The following LTBP1 variants were observed in gnomAD, a reference collection of about 807,000 sequenced individuals.
The protein encoded by LTBP1 is latent transforming growth factor beta binding protein 1, also known as latent-transforming growth factor beta-binding protein 1.
LTBP1 carries 129 observed loss-of-function variants against 207.6 expected under a neutral mutation model. The ratio of observed to expected loss-of-function variants is 0.62; its 90% CI spans 0.54 to 0.72. The LOEUF is 0.72. Ranked by LOEUF, LTBP1 falls within the 30% of genes least tolerant of loss-of-function variation. The pLI is 0.00. For synonymous variants in LTBP1, 963 were observed against 833.7 expected, an observed-to-expected ratio of 1.16 and a Z score of -2.67; for missense variants, 2,281 against 2,217.2, an observed-to-expected ratio of 1.03 and a Z score of -0.58.
At chr2:33,139,335 A>G (rs2082447780) in intron 5 of LTBP1, among the ~76,000 whole-genome samples, 1 of 152,184 alleles carries the variant, frequency 6.6e-6, no homozygotes, top group Admixed American at 6.5e-5. Flanking sequence ...GTTGCCTCCT[A>G]TGACCATATA....
intron 2 of LTBP1, among the ~76,000 whole-genome samples, chr2:32,970,829 CT>C (rs1256749702): frequency 6.6e-6 from 1 of 151,790 alleles, no homozygotes; most frequent in African/African-American, 2.4e-5. Context: ...AGCATTGAAC[CT>C]GTAAATTGCT....
Position 33,037,945 on chromosome 2 carries a change from C to T in LTBP1, c.863+16739C>T, listed in dbSNP as rs72869653. Reference sequence around the variant, plus strand: ...TGTTGCCTAGGTTGGTCTTCAACTCCCGAACTCAAGCAGTCCCCCTGCCTT... The same window carrying T: ...TGTTGCCTAGGTTGGTCTTCAACTCTCGAACTCAAGCAGTCCCCCTGCCTT... On this transcript the variant is annotated intron_variant, in intron 3 of 33. Transcript: ENST00000404816. Among the ~76,000 whole-genome samples the T allele has an allele frequency of 6.8e-3, 1,038 of 152,214 alleles. 12 individuals are homozygous for T. Among genetic ancestry groups the T allele is most frequent in the African/African-American group, 0.024 (984 of 41,534 alleles).
At chr2:33,209,950 C>T (rs958741719) in intron 7 of LTBP1, among the ~76,000 whole-genome samples, 12 of 152,128 alleles carry the variant, frequency 7.9e-5, no homozygotes, top group Admixed American at 5.2e-4. Flanking sequence ...GGCAGAGAGA[C>T]GTTGAGAGTT....
chr2:32,977,225 T>G (rs925486784), intron 2 of LTBP1, among the ~76,000 whole-genome samples: 3 of 151,916 alleles, frequency 2.0e-5, no homozygotes, highest in Admixed American at 2.0e-4. Context: ...CAACAGGAGG[T>G]TAAGTCTGCC....
At chr2:33,228,722 A>G (rs564254058) in intron 9 of LTBP1, among the ~76,000 whole-genome samples, 33 of 26,422 alleles carry the variant, frequency 1.2e-3, no homozygotes, top group Non-Finnish European at 2.0e-3. Context: ...TTTTTTTGAG[A>G]TGGAGTCTTA....
intron 15 of LTBP1, among the ~76,000 whole-genome samples, chr2:33,269,268 G>A (rs2093261599): frequency 6.6e-6 from 1 of 152,186 alleles, no homozygotes; most frequent in Non-Finnish European, 1.5e-5. Context: ...CATTGGCCTT[G>A]TTGCTGGTAT....
At chr2:33,176,575 T>C (rs1407497478) in intron 5 of LTBP1, among the ~76,000 whole-genome samples, 2 of 152,130 alleles carry the variant, frequency 1.3e-5, no homozygotes, top group Admixed American at 6.5e-5. Context: ...CGTTATTGAT[T>C]GACATATTCT....
At chr2:33,315,603 T>G (rs1362852822) in intron 24 of LTBP1, among the ~76,000 whole-genome samples, 12 of 152,320 alleles carry the variant, frequency 7.9e-5, no homozygotes, top group Admixed American at 4.6e-4. Context: ...GGACTCTGCT[T>G]CTTTTGATTG....
chr2:33,039,887 T>G (rs1320664755), intron 3 of LTBP1, among the ~76,000 whole-genome samples: 22 of 151,822 alleles, frequency 1.4e-4, no homozygotes. Flanking sequence ...ACGGTTGAGG[T>G]TTTAGATGAC....
chr2:33,081,549 G>A (rs1024442790), intron 3 of LTBP1, among the ~76,000 whole-genome samples: 9 of 152,248 alleles, frequency 5.9e-5, no homozygotes, highest in African/African-American at 2.2e-4. Flanking sequence ...AGGAAATCTC[G>A]GGCTCTGTAA....
chr2:33,384,349 T>A (rs1258915574), intron 31 of LTBP1, among the ~76,000 whole-genome samples: 1 of 152,296 alleles, frequency 6.6e-6, no homozygotes, highest in African/African-American at 2.4e-5. Flanking sequence ...TTTCATAGCT[T>A]TGATCAAGAG....
chr2:33,371,514 A>C (rs182900635), intron 31 of LTBP1, among the ~76,000 whole-genome samples: 1 of 152,324 alleles, frequency 6.6e-6, no homozygotes, highest in East Asian at 1.9e-4. Flanking sequence ...ATGAAGACAG[A>C]GTGGTCATTG....
At chr2:33,081,591 G>C (rs771853655) in intron 3 of LTBP1, among the ~76,000 whole-genome samples, 1 of 152,106 alleles carries the variant, frequency 6.6e-6, no homozygotes, top group Non-Finnish European at 1.5e-5. Flanking sequence ...TTAGCACGTT[G>C]GTTCTAAACA....
chr2:33,085,667 AGAG>A (rs2078705902), intron 3 of LTBP1, among the ~76,000 whole-genome samples: 1 of 152,208 alleles, frequency 6.6e-6, no homozygotes, highest in African/African-American at 2.4e-5. Context: ...ACTGAGATTT[AGAG>A]TATTGAAGTC....
chr2:32,975,714 C>G (rs544043171), intron 2 of LTBP1, among the ~76,000 whole-genome samples: 13 of 139,942 alleles, frequency 9.3e-5, no homozygotes, highest in African/African-American at 3.4e-4. Context: ...GTTATGATAT[C>G]GTGAAATTCT....
At chr2:33,369,132 C>A (rs1371734201) in intron 31 of LTBP1, among the ~76,000 whole-genome samples, 1 of 151,302 alleles carries the variant, frequency 6.6e-6, no homozygotes, top group African/African-American at 2.4e-5. Context: ...ATATGAAGTA[C>A]ATATTATATA....
chr2:33,087,077 C>G (rs2078801244), intron 3 of LTBP1, among the ~76,000 whole-genome samples: 2 of 77,782 alleles, frequency 2.6e-5, no homozygotes, highest in Non-Finnish European at 5.8e-5. Context: ...GCTGTCCCTC[C>G]TTTATGCTTT....
chr2:33,320,958 A>T (rs1239321987), intron 24 of LTBP1, among the ~76,000 whole-genome samples: 1 of 152,054 alleles, frequency 6.6e-6, no homozygotes, highest in African/African-American at 2.4e-5. Context: ...TTTTGGCATT[A>T]CCTTTTTTTT....
At chr2:32,955,578 G>C (rs1677947072) in intron 2 of LTBP1, among the ~76,000 whole-genome samples, 1 of 152,014 alleles carries the variant, frequency 6.6e-6, no homozygotes, top group Non-Finnish European at 1.5e-5. Flanking sequence ...TGATTACATA[G>C]AGTGCCTTTT....
Sources: gnomAD v4.1 joint callset for allele counts (sites outside exome capture counted in the v4.1 genomes callset) on GRCh38, gnomAD v4.1.1 for gene constraint, MANE v1.5 for transcripts, NCBI Gene and HGNC (gene_info 2026-07-23, HGNC 2026-07-21) for gene names.